The following GNRH1 variants were observed in gnomAD, a reference collection of about 807,000 sequenced individuals.
The protein encoded by GNRH1 is gonadotropin releasing hormone 1, also known as progonadoliberin-1.
A neutral mutation model predicts 13.6 loss-of-function variants in GNRH1; 9 were observed. The observed-to-expected ratio is 0.66, with a 90% CI of 0.40 to 1.15. The LOEUF (loss-of-function observed/expected upper bound fraction) is 1.15. Among genes scored for constraint, GNRH1 ranks in the 50% most tolerant of loss-of-function variants. The pLI is 0.01. For synonymous variants in GNRH1, 44 were observed against 40.1 expected, an observed-to-expected ratio of 1.10 and a Z score of -0.37; for missense variants, 116 against 110.8, an observed-to-expected ratio of 1.05 and a Z score of -0.21.
intron 2 of GNRH1, among the ~76,000 whole-genome samples, chr8:25,422,103 G>T (rs1226024799): frequency 6.6e-6 from 1 of 151,994 alleles, no homozygotes; most frequent in African/African-American, 2.4e-5. Flanking sequence ...TCAGATTCTG[G>T]GTCTTCTTTA....
At chr8:25,419,585 T>TA in intron 3 of GNRH1, 125 bp from the exon 4 acceptor site, 1 of 705,408 alleles carries the variant, frequency 1.4e-6, no homozygotes, top group Non-Finnish European at 2.6e-6. Context: ...GTGCTCTAGT[T>TA]AGTGCTAGGG....
chr8:25,421,776 T>TGGGGGTTGGGGGGGGG, intron 2 of GNRH1, 108 bp from the exon 3 acceptor site: 1 of 143,934 alleles, frequency 6.9e-6, no homozygotes, highest in Non-Finnish European at 1.4e-5. Flanking sequence ...GATGTGGGGC[T>TGGGGGTTGGGGGGGGG]GGGGGAGATT....
chr8:25,423,673 T>C (rs1181577046), intron 1 of GNRH1: 3 of 307,278 alleles, frequency 9.8e-6, no homozygotes, highest in South Asian at 6.5e-5. Flanking sequence ...CTGTTGTGGA[T>C]TGGTCTTCAA....
intron 3 of GNRH1, 56 bp downstream of exon 3, chr8:25,421,512 CAAAGG>C (rs1801772254): frequency 2.2e-5 from 20 of 890,712 alleles, no homozygotes; most frequent in South Asian, 4.1e-5. Flanking sequence ...AAGTGATCCC[CAAAGG>C]CTTATCCACC....
chr8:25,419,488 G>C (rs976433476), intron 3 of GNRH1, 28 bp from the exon 4 acceptor site: 2 of 1,114,238 alleles, frequency 1.8e-6, no homozygotes, highest in Admixed American at 3.4e-5. Flanking sequence ...AATATATCAA[G>C]ACTGACTTTA....
chr8:25,423,084 A>G (rs1460458780), intron 2 of GNRH1, 106 bp downstream of exon 2: 14 of 886,188 alleles, frequency 1.6e-5, no homozygotes, highest in Non-Finnish European at 2.3e-5. Context: ...TGGAGCATCT[A>G]GGGTACAACA....
Position 25,419,375 on chromosome 8 carries a change from C to T in GNRH1, c.*44G>A. On this transcript the variant is annotated 3_prime_UTR_variant, in exon 4 of 4. Transcript: ENST00000421054. ...ATAAATTTTCAATGTCAGAATTATA[C>T]TTAAGTCATGTTAGTAATGGTCATT... is the stretch of plus-strand genomic sequence containing the variant. 9.6e-7 allele frequency: 1 copy of T among 1,036,360 alleles called. No homozygotes were observed. Among genetic ancestry groups the T allele is most frequent in the South Asian group, 1.3e-5 (1 of 79,566 alleles). The allele number at this position is 1,036,360 out of a possible 1,614,324, so 64.2% of individuals were successfully genotyped here.
rs587777859 is a variant in GNRH1 at position 25,423,243 on chromosome 8, GT to G, written c.87del (p.Leu30CysfsTer12). On this transcript the variant is annotated frameshift_variant, in exon 2 of 4. Coordinates refer to ENST00000421054, the MANE Select transcript of GNRH1 (RefSeq NM_001083111.2). LOFTEE classifies it high-confidence loss of function. Reference sequence around the variant, plus strand: ...GCATCTCTCTTTCCTCCAGGGCGCAGTCCATAGGACCAGTGCTGGCTGGAGC... The same window carrying G: ...GCATCTCTCTTTCCTCCAGGGCGCAGCCATAGGACCAGTGCTGGCTGGAGC... ...EGCSSQHWSY[G>X]LRPGGKRDAE... 2.0e-5 allele frequency: 32 copies of G among 1,612,380 alleles called. No homozygotes were observed. The highest frequency in any genetic ancestry group is 2.5e-5 in the Non-Finnish European group (29 of 1,178,396).
At chr8:25,421,357 G>GA (rs1248954919) in intron 3 of GNRH1, among the ~76,000 whole-genome samples, 1 of 152,080 alleles carries the variant, frequency 6.6e-6, no homozygotes, top group Non-Finnish European at 1.5e-5. Context: ...TTCAACTTCA[G>GA]AAAAAACAAA....
chr8:25,420,669 C>A (rs1425923906), intron 3 of GNRH1, among the ~76,000 whole-genome samples: 1 of 152,098 alleles, frequency 6.6e-6, no homozygotes, highest in Non-Finnish European at 1.5e-5. Context: ...TTGGGAGGAT[C>A]TTGAGGCTGG....
chr8:25,423,135 ATAGT>A, intron 2 of GNRH1, 51 bp downstream of exon 2: 2 of 1,249,562 alleles, frequency 1.6e-6, no homozygotes, highest in Non-Finnish European at 2.4e-6. Flanking sequence ...AATGTTTAAT[ATAGT>A]TAAATTGAAT....
At chr8:25,421,499 C>G in intron 3 of GNRH1, 74 bp downstream of exon 3, 2 of 782,908 alleles carry the variant, frequency 2.6e-6, no homozygotes. Flanking sequence ...AGGTAGCTGT[C>G]CTAAGTGATC....
chr8:25,419,503 C>T (rs200515288), intron 3 of GNRH1, 43 bp from the exon 4 acceptor site: 1 of 953,564 alleles, frequency 1.0e-6, no homozygotes, highest in South Asian at 1.3e-5. Context: ...ACTTTACCAG[C>T]TGAATTTCAT....
intron 2 of GNRH1, among the ~76,000 whole-genome samples, chr8:25,422,588 T>C (rs1343538610): frequency 6.6e-6 from 1 of 152,096 alleles, no homozygotes; most frequent in Non-Finnish European, 1.5e-5. Flanking sequence ...GTACCTCACG[T>C]TAGTGTTGGT....
At chr8:25,423,094 A>G (rs1554515444) in intron 2 of GNRH1, 96 bp downstream of exon 2, 1 of 947,664 alleles carries the variant, frequency 1.1e-6, no homozygotes, top group Admixed American at 1.7e-5. Flanking sequence ...AGGGTACAAC[A>G]TCATAGAATA....
At chr8:25,420,371 G>C (rs769386240) in intron 3 of GNRH1, among the ~76,000 whole-genome samples, 1 of 150,492 alleles carries the variant, frequency 6.6e-6, no homozygotes, top group African/African-American at 2.4e-5. Flanking sequence ...CCGAGATTGC[G>C]CCACTGCACT....
intron 3 of GNRH1, 90 bp downstream of exon 3, chr8:25,421,483 T>G (rs1322645478): frequency 8.6e-6 from 6 of 701,298 alleles, no homozygotes; most frequent in Non-Finnish European, 1.6e-5. Flanking sequence ...CCCCACAGTA[T>G]CTGGGAGGTA....
chr8:25,421,648 T>C lies in GNRH1; in HGVS notation c.162A>G (p.Gln54=). The part of the protein sequence containing the change: ...SFQEIVKEVG[Q]LAETQRFECT... ...ATTCGAAGCGTTGGGTTTCTGCCAG[T>C]TGACCAACCTCTTTGACTATCTGAA... The change falls in exon 3 of 4, where the codon CAA becomes CAG. Residue 54 remains glutamine (Q), a synonymous_variant. Transcript: ENST00000421054. The C allele has an allele frequency of 1.3e-6, 2 of 1,583,820 alleles. No homozygotes were observed. Among genetic ancestry groups the C allele is most frequent in the Non-Finnish European group, 1.7e-6 (2 of 1,154,534 alleles).
intron 1 of GNRH1, 196 bp from the exon 2 acceptor site, chr8:25,423,527 A>G: frequency 3.3e-6 from 2 of 609,878 alleles, no homozygotes; most frequent in East Asian, 2.8e-5. Flanking sequence ...CACTGGGGAC[A>G]AAATGAGTAC....
Sources: allele counts gnomAD v4.1 joint callset (sites outside exome capture counted in the v4.1 genomes callset), GRCh38; gene constraint gnomAD v4.1.1; transcripts MANE v1.5; gene names NCBI Gene and HGNC (gene_info 2026-07-23, HGNC 2026-07-21).